Variants in TSHZ1 observed in about 807,000 individuals in gnomAD.
TSHZ1 encodes teashirt zinc finger homeobox 1.
A neutral mutation model predicts 67.1 loss-of-function variants in TSHZ1; 12 were observed. The ratio of observed to expected loss-of-function variants is 0.18; its 90% CI spans 0.11 to 0.29. TSHZ1 has a LOEUF of 0.29. Among genes scored for constraint, TSHZ1 ranks in the 10% least tolerant of loss-of-function variants. The pLI is 1.00. For synonymous variants in TSHZ1, 632 were observed against 622.4 expected (o/e 1.02, Z -0.23); for missense variants, 1,305 against 1,413.9 (o/e 0.92, Z 1.23).
At chr18:75,222,469 C>CT (rs539066589) in intron 1 of TSHZ1, among the ~76,000 whole-genome samples, 50 of 151,934 alleles carry the variant, frequency 3.3e-4, no homozygotes, top group South Asian at 6.3e-4. Flanking sequence ...TCGTTGTCTC[C>CT]TTTTTTTTCT....
rs111308347 is a variant in TSHZ1 at position 75,211,482 on chromosome 18, C to G, written c.-395C>G. ...CAGGGGAGCGCCCGGAGCGGCGCGC[C>G]GGGAGGAGCGCCCGCCCAGCAGCAG... On this transcript the variant is annotated 5_prime_UTR_variant, in exon 1 of 2. Transcript: ENST00000580243. 6.7e-6 allele frequency: 1 copy of G among 148,744 alleles called. No homozygotes were observed. Among genetic ancestry groups the G allele is most frequent in the African/African-American group, 2.4e-5 (1 of 40,826 alleles). 9.2% of individuals were successfully genotyped at this position (148,744 alleles called of 1,614,324 possible). A position where few individuals can be genotyped will look rare whatever the true frequency, so the allele number is the denominator to read the frequency against.
chr18:75,232,984 G>A (rs7227132), intron 1 of TSHZ1, among the ~76,000 whole-genome samples: 3 of 152,156 alleles, frequency 2.0e-5, no homozygotes, highest in African/African-American at 7.2e-5. Context: ...AGGGACTGGG[G>A]GTCTGTATTG....
chr18:75,275,617 G>C (rs1247452352), intron 1 of TSHZ1, among the ~76,000 whole-genome samples: 1 of 152,156 alleles, frequency 6.6e-6, no homozygotes, highest in Non-Finnish European at 1.5e-5. Flanking sequence ...TCGTTTCAGG[G>C]GGTCAGATAG....
chr18:75,262,142 A>G (rs1211440284), intron 1 of TSHZ1, among the ~76,000 whole-genome samples: 1 of 152,194 alleles, frequency 6.6e-6, no homozygotes, highest in Non-Finnish European at 1.5e-5. Context: ...TTTACACTGA[A>G]ATAAGAGCTT....
At chr18:75,277,234 A>T (rs1416570845) in intron 1 of TSHZ1, among the ~76,000 whole-genome samples, 2 of 152,148 alleles carry the variant, frequency 1.3e-5, no homozygotes, top group African/African-American at 4.8e-5. Flanking sequence ...AACTGAAGGG[A>T]TGGGCTTGGG....
Position 75,287,585 on chromosome 18 carries a change from C to T in TSHZ1, c.2178C>T (p.Gly726=), listed in dbSNP as rs774687217. 6 of 1,614,108 alleles carry T rather than the reference C, an allele frequency of 3.7e-6. No homozygotes were observed. Among genetic ancestry groups the T allele is most frequent in the Non-Finnish European group, 5.1e-6 (6 of 1,180,050 alleles). The change falls in exon 2 of 2, where the codon GGC becomes GGT. Residue 726 remains glycine (G), a synonymous_variant. Transcript: ENST00000580243. This position sits in a 1 kb window ranked among gnomAD's most constrained non-coding sequence, Gnocchi z 5.0. ...TEPLKAKVTN[G]CNNLGIIMDH... ...CTCTCAAAGCAAAGGTCACCAACGGCTGTAACAACCTGGGGATCATCATGG... is the reference window on the plus strand; with the variant it reads ...CTCTCAAAGCAAAGGTCACCAACGGTTGTAACAACCTGGGGATCATCATGG...
At chr18:75,212,022 C>A in intron 1 of TSHZ1, 106 bp downstream of exon 1, 1 of 904,070 alleles carries the variant, frequency 1.1e-6, no homozygotes, top group Non-Finnish European at 1.4e-6. Context: ...CCGCCCCAAG[C>A]TGGGGAGGGG....
chr18:75,251,798 C>T (rs1190687727), intron 1 of TSHZ1, among the ~76,000 whole-genome samples: 1 of 152,040 alleles, frequency 6.6e-6, no homozygotes, highest in Non-Finnish European at 1.5e-5. Flanking sequence ...GCTAATTTTT[C>T]TGTTGCTTTG....
rs940211333 is a variant in TSHZ1, at chr18:75,285,476, A to G, written c.69A>G (p.Ala23=). The change falls in exon 2 of 2, where the codon GCA becomes GCG. Residue 23 remains alanine (A), a synonymous_variant. Transcript: ENST00000580243. ...ATGTTCCTGAGGAAGAATTGAAGGC[A>G]GCAGAAATAGATGAAGAGCACGTGG... ...AAYVPEEELK[A]AEIDEEHVED... is the part of the protein sequence containing the mutation. 2.7e-6 allele frequency: 4 copies of G among 1,503,430 alleles called. No homozygotes were observed. In the African/African-American group the frequency reaches 5.6e-5, roughly 21 times the overall value. 93.1% of individuals were successfully genotyped at this position (1,503,430 alleles called of 1,614,324 possible).
At chr18:75,240,928 G>A (rs1056972876) in intron 1 of TSHZ1, among the ~76,000 whole-genome samples, 1 of 152,132 alleles carries the variant, frequency 6.6e-6, no homozygotes, top group African/African-American at 2.4e-5. Context: ...GGCTCATTTG[G>A]GGGTGTTTGT....
At chr18:75,254,396 A>G (rs1211732386) in intron 1 of TSHZ1, among the ~76,000 whole-genome samples, 5 of 152,226 alleles carry the variant, frequency 3.3e-5, no homozygotes, top group South Asian at 2.1e-4. Context: ...ATTAATTACC[A>G]TCTTTATTTT....
chr18:75,284,351 T>C (rs951859615), intron 1 of TSHZ1: 1 of 152,670 alleles, frequency 6.6e-6, no homozygotes, highest in Non-Finnish European at 1.5e-5. Context: ...GGGCCTGTAG[T>C]AGGCAGCTGG....
At chr18:75,255,145 CAT>C (rs2023347930) in intron 1 of TSHZ1, among the ~76,000 whole-genome samples, 2 of 152,174 alleles carry the variant, frequency 1.3e-5, no homozygotes, top group African/African-American at 4.8e-5. Flanking sequence ...GTTCCTCTGA[CAT>C]GTATATTTCC....
chr18:75,263,714 T>G (rs982719814), intron 1 of TSHZ1, among the ~76,000 whole-genome samples: 2 of 152,220 alleles, frequency 1.3e-5, no homozygotes, highest in Admixed American at 6.5e-5. Context: ...AAAATCAGTG[T>G]TTTCTTGAGC....
In TSHZ1 at chr18:75,281,903, G is replaced by A. The variant is rs2023691488; in HGVS notation, c.41-3545G>A. On this transcript the variant is annotated intron_variant, in intron 1 of 1. Coordinates refer to ENST00000580243, the MANE Select transcript of TSHZ1 (RefSeq NM_001308210.2). The surrounding 1 kb of genome is among the most constrained non-coding windows in gnomAD (Gnocchi z 5.3). The stretch of plus-strand genomic sequence containing the variant: ...ACGGGGCTCCCTGCCTTCCAAAAGT[G>A]TCCCTCACCTACCCGGTCAGAGGCT... Among the ~76,000 whole-genome samples the A allele has an allele frequency of 6.6e-6, 1 of 152,086 alleles. No homozygotes were observed. The highest frequency in any genetic ancestry group is 2.4e-5 in the African/African-American group (1 of 41,404).
Position 75,285,796 on chromosome 18 carries a change from C to T in TSHZ1, c.389C>T (p.Ser130Phe). The change falls in exon 2 of 2, where the codon TCC (serine) becomes TTC (phenylalanine). Residue 130 changes from serine (S) to phenylalanine (F), a missense_variant. Around this residue, in one of 3 missense-constraint regions of TSHZ1, gnomAD observed 358 missense variants for 375.6 expected, o/e 0.95. Coordinates refer to ENST00000580243, the MANE Select transcript of TSHZ1 (RefSeq NM_001308210.2). ...AACTTGTTCTCCGAGTCCTGCTGGT[C>T]CAGCTTAGCTCTGGATTTAAAGAAG... Reference protein sequence around the residue: ...YANLFSESCWSSLALDLKKSG... With the variant: ...YANLFSESCWFSLALDLKKSG... 1 of 1,614,114 alleles carries T rather than the reference C, an allele frequency of 6.2e-7. No individual in the cohort carries two copies. The highest frequency in any genetic ancestry group is 8.5e-7 in the Non-Finnish European group (1 of 1,180,020).
Position 75,281,193 on chromosome 18 carries a change from G to A in TSHZ1, c.41-4255G>A, listed in dbSNP as rs1323881532. Among the ~76,000 whole-genome samples, 2 of 152,232 alleles carry A rather than the reference G, an allele frequency of 1.3e-5. No homozygotes were observed. Among genetic ancestry groups the A allele is most frequent in the African/African-American group, 4.8e-5 (2 of 41,454 alleles). ...GCGAGGTCATCTGGGGACGTTGGAA[G>A]GCTCTGGCCACAGCTGGTCATCAGT... On this transcript the variant is annotated intron_variant, in intron 1 of 1. Transcript: ENST00000580243. The surrounding 1 kb of genome is among the most constrained non-coding windows in gnomAD (Gnocchi z 5.3).
intron 1 of TSHZ1, among the ~76,000 whole-genome samples, chr18:75,282,332 T>C (rs2023697356): frequency 6.6e-6 from 1 of 152,122 alleles, no homozygotes; most frequent in South Asian, 2.1e-4. Context: ...CGGACCCTCA[T>C]CCTTTGTGGG....
intron 1 of TSHZ1, among the ~76,000 whole-genome samples, chr18:75,226,251 T>C (rs2122527043): frequency 6.6e-6 from 1 of 152,332 alleles, no homozygotes; most frequent in East Asian, 1.9e-4. Context: ...CAGTAGATAG[T>C]CTGTGTCTGC....
Sources: allele counts gnomAD v4.1 joint callset (sites outside exome capture counted in the v4.1 genomes callset), GRCh38; gene constraint gnomAD v4.1.1; regional missense constraint gnomAD v4.1.1; non-coding constraint Gnocchi (gnomAD v3.1); transcripts MANE v1.5; gene names NCBI Gene and HGNC (gene_info 2026-07-23, HGNC 2026-07-21).